The following CSMD1 variants were observed in gnomAD, a reference collection of about 807,000 sequenced individuals.
CSMD1 encodes the protein CUB and sushi domain-containing protein 1.
In CSMD1, 213 loss-of-function variants were observed where a neutral mutation model predicts 417.5. That is an observed-to-expected ratio of 0.51 (90% CI 0.46 to 0.57). The LOEUF is 0.57. CSMD1 is among the 20% of genes least tolerant of loss of function. CSMD1 has a pLI of 0.00. For synonymous variants in CSMD1, 2,862 were observed against 1,736.8 expected, an observed-to-expected ratio of 1.65 and a Z score of -16.11; for missense variants, 6,923 against 4,529.7, an observed-to-expected ratio of 1.53 and a Z score of -15.17.
At chr8:4,962,101 G>A (rs1460161158) in intron 1 of CSMD1, among the ~76,000 whole-genome samples, 5 of 85,842 alleles carry the variant, frequency 5.8e-5, no homozygotes, top group African/African-American at 2.8e-4. Context: ...ATGTAAGTAT[G>A]TATTTTTTTG....
chr8:3,690,134 G>A (rs533329011), intron 7 of CSMD1, among the ~76,000 whole-genome samples: 7 of 152,298 alleles, frequency 4.6e-5, no homozygotes, highest in African/African-American at 1.2e-4. Context: ...TGAGACCGGA[G>A]GATCACTTAA....
At chr8:4,587,637 G>C (rs945570967) in intron 2 of CSMD1, among the ~76,000 whole-genome samples, 1 of 152,038 alleles carries the variant, frequency 6.6e-6, no homozygotes, top group Non-Finnish European at 1.5e-5. Context: ...TCATGATCAC[G>C]ATCTCATTTA....
chr8:3,495,081 T>C (rs1431289517), intron 10 of CSMD1, among the ~76,000 whole-genome samples: 6 of 152,254 alleles, frequency 3.9e-5, no homozygotes, highest in South Asian at 4.1e-4. Flanking sequence ...CTATTTCAAA[T>C]TGCAGTATTT....
At chr8:3,840,691 T>G (rs921705645) in intron 5 of CSMD1, among the ~76,000 whole-genome samples, 1 of 144,598 alleles carries the variant, frequency 6.9e-6, no homozygotes, top group South Asian at 2.3e-4. Context: ...TTCTTTTTTT[T>G]AATTTTTTTT....
intron 1 of CSMD1, among the ~76,000 whole-genome samples, chr8:4,758,035 T>G (rs1811781372): frequency 6.7e-6 from 1 of 149,400 alleles, no homozygotes; most frequent in African/African-American, 2.5e-5. Flanking sequence ...CTGCACAAAC[T>G]CCCTTTAGGA....
chr8:4,405,011 A>G (rs549676107), intron 3 of CSMD1, among the ~76,000 whole-genome samples: 44 of 152,376 alleles, frequency 2.9e-4, no homozygotes, highest in African/African-American at 1.0e-3. Context: ...AAAGCTAAGT[A>G]ATAAAACTGA....
chr8:4,112,412 G>C (rs1301259389), intron 3 of CSMD1, among the ~76,000 whole-genome samples: 3 of 152,172 alleles, frequency 2.0e-5, no homozygotes, highest in Non-Finnish European at 2.9e-5. Context: ...GAGCTTGCCA[G>C]TAAATATTTA....
At chr8:3,064,647 G>A (rs1425554494) in intron 49 of CSMD1, among the ~76,000 whole-genome samples, 2 of 152,174 alleles carry the variant, frequency 1.3e-5, no homozygotes, top group Non-Finnish European at 2.9e-5. Context: ...TGATAAGAAT[G>A]TTGACTACAG....
chr8:4,676,583 G>C (rs1378182728), intron 1 of CSMD1, among the ~76,000 whole-genome samples: 2 of 152,086 alleles, frequency 1.3e-5, no homozygotes, highest in African/African-American at 4.8e-5. Context: ...AGCTACCACG[G>C]CACCCTTTAA....
chr8:3,836,109 C>G (rs992993438), intron 5 of CSMD1, among the ~76,000 whole-genome samples: 5 of 152,078 alleles, frequency 3.3e-5, no homozygotes, highest in African/African-American at 1.2e-4. Context: ...CTATGTAAAA[C>G]CACCTCCTAT....
chr8:3,675,860 T>C (rs1436129506), intron 7 of CSMD1, among the ~76,000 whole-genome samples: 1 of 152,218 alleles, frequency 6.6e-6, no homozygotes, highest in Non-Finnish European at 1.5e-5. Flanking sequence ...GCAAATTTTC[T>C]AGACTAACGC....
chr8:4,106,324 G>C (rs187014931), intron 3 of CSMD1, among the ~76,000 whole-genome samples: 357 of 152,266 alleles, frequency 2.3e-3, no homozygotes, highest in African/African-American at 7.8e-3. Flanking sequence ...ATTCTAAAAG[G>C]AAGTATCCAC....
At chr8:3,684,792 C>A (rs903356760) in intron 7 of CSMD1, among the ~76,000 whole-genome samples, 24 of 152,022 alleles carry the variant, frequency 1.6e-4, no homozygotes, top group African/African-American at 5.8e-4. Flanking sequence ...ATTTTAGTCA[C>A]CCTCATTCTC....
intron 11 of CSMD1, among the ~76,000 whole-genome samples, chr8:3,479,702 G>C (rs540560569): frequency 6.6e-6 from 1 of 151,918 alleles, no homozygotes; most frequent in Non-Finnish European, 1.5e-5. Context: ...ACACACAAAA[G>C]AGCTGGGACA....
At chr8:4,453,818 T>A (rs374176042) in intron 2 of CSMD1, among the ~76,000 whole-genome samples, 13 of 113,666 alleles carry the variant, frequency 1.1e-4, no homozygotes, top group African/African-American at 5.3e-4. Flanking sequence ...TCGTTTCTTT[T>A]TTTTTTTTTT....
intron 18 of CSMD1, among the ~76,000 whole-genome samples, chr8:3,375,844 C>G (rs1810271886): frequency 6.6e-6 from 1 of 152,104 alleles, no homozygotes; most frequent in East Asian, 1.9e-4. Context: ...TGATTCACAC[C>G]CCTCAATCCT....
intron 3 of CSMD1, among the ~76,000 whole-genome samples, chr8:4,326,362 G>C (rs185515845): frequency 6.6e-6 from 1 of 152,118 alleles, no homozygotes; most frequent in African/African-American, 2.4e-5. Flanking sequence ...ACCTGACGAC[G>C]ATCACCAATG....
chr8:4,065,802 G>C (rs988233963), intron 3 of CSMD1, among the ~76,000 whole-genome samples: 6 of 152,264 alleles, frequency 3.9e-5, no homozygotes, highest in African/African-American at 1.2e-4. Context: ...GAAAATAACT[G>C]TACTGCTTGA....
chr8:2,957,346 T>A (rs771172598), intron 63 of CSMD1, among the ~76,000 whole-genome samples: 5 of 152,216 alleles, frequency 3.3e-5, no homozygotes, highest in African/African-American at 9.6e-5. Context: ...GAATGTTCAA[T>A]ATAACATTAT....
Sources: gnomAD v4.1 joint callset for allele counts (sites outside exome capture counted in the v4.1 genomes callset) on GRCh38, gnomAD v4.1.1 for gene constraint, MANE v1.5 for transcripts, NCBI Gene and HGNC (gene_info 2026-07-23, HGNC 2026-07-21) for gene names.